DGKG: variants seen among roughly 807,000 people sequenced by gnomAD.
DGKG encodes the protein DAG kinase gamma.
A neutral mutation model predicts 105.3 loss-of-function variants in DGKG; 78 were observed. The observed-to-expected ratio is 0.74, with a 90% CI of 0.62 to 0.89. The LOEUF is 0.89. Among genes scored for constraint, DGKG ranks in the 40% least tolerant of loss-of-function variants. The probability of loss-of-function intolerance (pLI) is 0.00; values close to 1 mark genes in which losing one functional copy is unlikely to be tolerated. For synonymous variants in DGKG, 346 were observed against 367.1 expected (o/e 0.94, Z 0.66); for missense variants, 958 against 1,020.1 (o/e 0.94, Z 0.83).
At chr3:186,190,102 G>A (rs1306697884) in intron 21 of DGKG, among the ~76,000 whole-genome samples, 13 of 152,148 alleles carry the variant, frequency 8.5e-5, no homozygotes, top group African/African-American at 2.7e-4. Context: ...AGGCACAGAG[G>A]AGGTTAAGTA....
At chr3:186,216,968 T>C (rs1003983312) in intron 20 of DGKG, among the ~76,000 whole-genome samples, 12 of 152,342 alleles carry the variant, frequency 7.9e-5, no homozygotes, top group African/African-American at 2.6e-4. Context: ...TCACTTCTTC[T>C]ACAAAATGGG....
At chr3:186,242,626 GA>G (rs1251692852) in intron 19 of DGKG, 58 bp from the exon 20 acceptor site, 3 of 1,432,018 alleles carry the variant, frequency 2.1e-6, no homozygotes, top group African/African-American at 2.8e-5. Flanking sequence ...GTGCAGTGCG[GA>G]GGGAAGGGAC....
At chr3:186,244,841 G>A (rs1330828087) in intron 19 of DGKG, among the ~76,000 whole-genome samples, 1 of 152,106 alleles carries the variant, frequency 6.6e-6, no homozygotes. Context: ...CCGCTTCCCT[G>A]GGCAGCAGCA....
Position 186,203,635 on chromosome 3 carries a change from T to A in DGKG, c.1917+8160A>T, listed in dbSNP as rs1718581421. Among the ~76,000 whole-genome samples, 1 of 152,182 alleles carries A rather than the reference T, an allele frequency of 6.6e-6. No homozygotes were observed. The highest frequency in any genetic ancestry group is 1.5e-5 in the Non-Finnish European group (1 of 68,040). ...GGTGATGCTGGAATGAGGGAGCTGC[T>A]GGACTGGATTGAGGAAGGGGAATAA... On this transcript the variant is annotated intron_variant, in intron 21 of 24. Transcript: ENST00000265022. This position sits in a 1 kb window ranked among gnomAD's most constrained non-coding sequence, Gnocchi z 4.9.
In DGKG at chr3:186,226,447, G is replaced by A. The variant is rs1192871213; in HGVS notation, c.1827-14562C>T. On this transcript the variant is annotated intron_variant, in intron 20 of 24. Transcript: ENST00000265022. This position sits in a 1 kb window ranked among gnomAD's most constrained non-coding sequence, Gnocchi z 4.2. ...CCCCAACCCTGCATATACAGAAACC[G>A]TGATTATGAGCAGCCGCTTCCCCTC... is the stretch of plus-strand genomic sequence containing the variant. Among the ~76,000 whole-genome samples the A allele has an allele frequency of 1.3e-5, 2 of 151,984 alleles. No homozygotes were observed. The highest frequency in any genetic ancestry group is 2.4e-5 in the African/African-American group (1 of 41,408).
At chr3:186,292,119 C>T (rs114805813) in intron 5 of DGKG, among the ~76,000 whole-genome samples, 1,601 of 152,300 alleles carry the variant, frequency 0.011, 8 homozygotes, top group Non-Finnish European at 0.013. Context: ...CACCCTCTTC[C>T]GGATCACAGA....
At chr3:186,266,086 C>T (rs1255746383) in intron 13 of DGKG, among the ~76,000 whole-genome samples, 1 of 152,090 alleles carries the variant, frequency 6.6e-6, no homozygotes, top group African/African-American at 2.4e-5. Flanking sequence ...TAGTAAAATG[C>T]TCAAATCTAA....
intron 20 of DGKG, among the ~76,000 whole-genome samples, chr3:186,236,948 A>G (rs576118579): frequency 6.6e-6 from 1 of 152,314 alleles, no homozygotes; most frequent in South Asian, 2.1e-4. Flanking sequence ...CTTTCTAGAC[A>G]CTCACTGACA....
At chr3:186,330,905 G>A (rs79371872) in intron 1 of DGKG, among the ~76,000 whole-genome samples, 1 of 152,168 alleles carries the variant, frequency 6.6e-6, no homozygotes, top group Admixed American at 6.5e-5. Flanking sequence ...AGATTTTGGG[G>A]CAGTTAGTTA....
chr3:186,284,854 G>C lies in DGKG; in HGVS notation c.545-145C>G. ...CCAGCTCTCCCTCCCTCTGAGCACA[G>C]AGTCTGACTTCCTTACAGAGAGGCT... On this transcript the variant is annotated intron_variant, in intron 6 of 24. Coordinates refer to ENST00000265022, the MANE Select transcript of DGKG (RefSeq NM_001346.3). The surrounding 1 kb of genome is among the most constrained non-coding windows in gnomAD (Gnocchi z 4.0). 1 of 685,470 alleles carries C rather than the reference G, an allele frequency of 1.5e-6. No homozygotes were observed. The highest frequency in any genetic ancestry group is 2.5e-4 in the Middle Eastern group (1 of 4,034). 42.5% of individuals were successfully genotyped at this position (685,470 alleles called of 1,614,324 possible).
At position 186,246,667 on chromosome 3, in the gene DGKG, C is replaced by T. The variant is rs1347036143; in HGVS notation, c.1762-4099G>A. On this transcript the variant is annotated intron_variant, in intron 19 of 24. Coordinates refer to ENST00000265022, the MANE Select transcript of DGKG (RefSeq NM_001346.3). Reference sequence around the variant, plus strand: ...TCCCACTGTATTAGTATCTTCATGGCTCTCACAGGTGACAAATAACCTGGT... The same window carrying T: ...TCCCACTGTATTAGTATCTTCATGGTTCTCACAGGTGACAAATAACCTGGT... Among the ~76,000 whole-genome samples the T allele has an allele frequency of 2.0e-5, 3 of 152,332 alleles. No homozygotes were observed. The Middle Eastern group carries it at 0.01, about 518-fold the overall frequency.
rs1208523158 is a variant in DGKG, at chr3:186,203,688, A to G, written c.1917+8107T>C. On this transcript the variant is annotated intron_variant, in intron 21 of 24. Coordinates refer to ENST00000265022, the MANE Select transcript of DGKG (RefSeq NM_001346.3). The surrounding 1 kb of genome is among the most constrained non-coding windows in gnomAD (Gnocchi z 4.9). ...TAGAAGGAGGAGCTCTCTCAGGACCATTCTAGCCTTACTTTTGACTCCATG... is the reference window on the plus strand; with the variant it reads ...TAGAAGGAGGAGCTCTCTCAGGACCGTTCTAGCCTTACTTTTGACTCCATG... Among the ~76,000 whole-genome samples, 16 of 152,200 alleles carry G rather than the reference A, an allele frequency of 1.1e-4. No individual in the cohort carries two copies. Among genetic ancestry groups the G allele is most frequent in the Admixed American group, 1.0e-3 (16 of 15,276 alleles).
chr3:186,293,017 C>G (rs982258224), intron 5 of DGKG, among the ~76,000 whole-genome samples: 1 of 151,900 alleles, frequency 6.6e-6, no homozygotes, highest in Non-Finnish European at 1.5e-5. Context: ...GAAGAGGGTC[C>G]AGAGGTTTTT....
At chr3:186,235,942 C>T (rs1029017489) in intron 20 of DGKG, among the ~76,000 whole-genome samples, 1 of 152,220 alleles carries the variant, frequency 6.6e-6, no homozygotes, top group African/African-American at 2.4e-5. Context: ...CTGCCACTCT[C>T]CTTTACTCAC....
chr3:186,283,961 C>G (rs1722943700), intron 7 of DGKG, among the ~76,000 whole-genome samples: 1 of 152,192 alleles, frequency 6.6e-6, no homozygotes, highest in African/African-American at 2.4e-5. Flanking sequence ...CTGACATTGA[C>G]AGTCAGGACA....
At chr3:186,288,952 C>T in intron 5 of DGKG, 72 bp from the exon 6 acceptor site, 1 of 1,418,502 alleles carries the variant, frequency 7.0e-7, no homozygotes, top group Non-Finnish European at 9.5e-7. Context: ...TTTGTTACCC[C>T]ATCCTTTTCA....
chr3:186,310,797 T>C (rs1724505035), intron 2 of DGKG, among the ~76,000 whole-genome samples: 1 of 152,236 alleles, frequency 6.6e-6, no homozygotes, highest in South Asian at 2.1e-4. Context: ...TTTGTAACAA[T>C]TCCCATTTTG....
chr3:186,253,857 G>A (rs143446387), intron 17 of DGKG, among the ~76,000 whole-genome samples: 14 of 152,268 alleles, frequency 9.2e-5, no homozygotes, highest in Non-Finnish European at 1.5e-4. Context: ...AGCTGAAGAT[G>A]CTCACCTTCA....
At chr3:186,337,857 C>A (rs866676300) in intron 1 of DGKG, among the ~76,000 whole-genome samples, 6 of 152,206 alleles carry the variant, frequency 3.9e-5, no homozygotes, top group Middle Eastern at 3.4e-3. Flanking sequence ...AGAAAAAGAT[C>A]TTTTTCAAAA....
Sources: allele counts gnomAD v4.1 joint callset (sites outside exome capture counted in the v4.1 genomes callset), GRCh38; gene constraint gnomAD v4.1.1; non-coding constraint Gnocchi (gnomAD v3.1); transcripts MANE v1.5; gene names NCBI Gene and HGNC (gene_info 2026-07-23, HGNC 2026-07-21).